The following KSR2 variants were observed in gnomAD, a reference collection of about 807,000 sequenced individuals.
KSR2 encodes kinase suppressor of ras 2.
In KSR2, 25 loss-of-function variants were observed where a neutral mutation model predicts 107.8. The ratio of observed to expected loss-of-function variants is 0.23; its 90% confidence interval spans 0.17 to 0.32. The LOEUF is 0.32. Among genes scored for constraint, KSR2 ranks in the 10% least tolerant of loss-of-function variants. The pLI is 1.00. For synonymous variants in KSR2, 480 were observed against 507.0 expected (o/e 0.95, Z 0.71); for missense variants, 887 against 1,268.9 (o/e 0.70, Z 4.57).
intron 14 of KSR2, among the ~76,000 whole-genome samples, chr12:117,490,504 G>T (rs190399729): frequency 6.6e-6 from 1 of 152,268 alleles, no homozygotes; most frequent in East Asian, 1.9e-4. Context: ...TGCAATCATT[G>T]ACAGATCATA....
intron 5 of KSR2, 99 bp downstream of exon 5, chr12:117,667,372 TAAA>T (rs1175512612): frequency 8.9e-7 from 1 of 1,122,938 alleles, no homozygotes; most frequent in Non-Finnish European, 1.3e-6. Flanking sequence ...GCCCTTGAGA[TAAA>T]GAAGAGAGAG....
intron 5 of KSR2, among the ~76,000 whole-genome samples, chr12:117,589,672 A>T (rs889294014): frequency 3.9e-5 from 6 of 152,360 alleles, no homozygotes; most frequent in Non-Finnish European, 7.3e-5. Context: ...CCAAGGCGCC[A>T]ACCAATCCTA....
intron 18 of KSR2, among the ~76,000 whole-genome samples, chr12:117,470,534 C>T (rs555563553): frequency 6.6e-6 from 1 of 152,320 alleles, no homozygotes; most frequent in East Asian, 1.9e-4. Flanking sequence ...AGTTTCTTGA[C>T]ATTTCTCTCA....
intron 1 of KSR2, among the ~76,000 whole-genome samples, chr12:117,958,673 C>T (rs7307290): frequency 0.53 from 80,576 of 151,914 alleles, 21,737 homozygotes; most frequent in African/African-American, 0.56. Context: ...ATACAAAAAT[C>T]AGCTGGGTGC....
chr12:117,843,422 C>T (rs1281178792), intron 3 of KSR2, among the ~76,000 whole-genome samples: 2 of 152,184 alleles, frequency 1.3e-5, no homozygotes, highest in Non-Finnish European at 2.9e-5. Context: ...CTTCTGCCTC[C>T]TCTCCCAGTC....
intron 17 of KSR2, among the ~76,000 whole-genome samples, 181 bp downstream of exon 17, chr12:117,476,283 G>A (rs759096510): frequency 2.0e-5 from 3 of 152,146 alleles, no homozygotes; most frequent in East Asian, 1.9e-4. Flanking sequence ...AGACACACAC[G>A]TTTGTTAGGG....
intron 9 of KSR2, among the ~76,000 whole-genome samples, chr12:117,548,801 C>T (rs1377709859): frequency 6.6e-6 from 1 of 152,110 alleles, no homozygotes; most frequent in Non-Finnish European, 1.5e-5. Flanking sequence ...GAGGGAGAAA[C>T]TAGACCCTCT....
chr12:117,578,002 G>A (rs911320453), intron 7 of KSR2, among the ~76,000 whole-genome samples: 7 of 152,294 alleles, frequency 4.6e-5, no homozygotes, highest in Middle Eastern at 3.4e-3. Context: ...CACATCTGGC[G>A]TCTCAGTTTT....
chr12:117,664,246 G>A (rs930399636), intron 5 of KSR2, among the ~76,000 whole-genome samples: 2 of 148,898 alleles, frequency 1.3e-5, no homozygotes, highest in African/African-American at 5.0e-5. Context: ...TGGGCACCCT[G>A]AGGTTGTGAG....
chr12:117,649,548 G>A (rs1883797791), intron 5 of KSR2, among the ~76,000 whole-genome samples: 1 of 152,182 alleles, frequency 6.6e-6, no homozygotes, highest in Non-Finnish European at 1.5e-5. Context: ...CCATGAGAAA[G>A]GGATATGATG....
chr12:117,621,893 C>T (rs1333556289), intron 5 of KSR2, among the ~76,000 whole-genome samples: 1 of 152,144 alleles, frequency 6.6e-6, no homozygotes, highest in Non-Finnish European at 1.5e-5. Context: ...CTGTCTCCTA[C>T]AGCTCCATGC....
chr12:117,768,433 T>G (rs933766075), intron 3 of KSR2, among the ~76,000 whole-genome samples: 1 of 152,194 alleles, frequency 6.6e-6, no homozygotes, highest in Non-Finnish European at 1.5e-5. Context: ...GTGTGGGGAC[T>G]ATATACCTGC....
intron 5 of KSR2, among the ~76,000 whole-genome samples, chr12:117,591,592 A>C (rs906940759): frequency 3.9e-5 from 6 of 152,058 alleles, no homozygotes; most frequent in Non-Finnish European, 5.9e-5. Flanking sequence ...AAGCAGATGA[A>C]GGGCTGGTAT....
intron 1 of KSR2, among the ~76,000 whole-genome samples, chr12:117,916,937 T>C (rs566032225): frequency 7.2e-5 from 11 of 152,356 alleles, no homozygotes; most frequent in African/African-American, 1.2e-4. Context: ...TCTATAAACA[T>C]AAGACATTTA....
chr12:117,748,308 G>A (rs571230909), intron 4 of KSR2, among the ~76,000 whole-genome samples: 3 of 152,138 alleles, frequency 2.0e-5, no homozygotes, highest in African/African-American at 7.2e-5. Flanking sequence ...CAGTGGAATG[G>A]GGAGATATTG....
intron 3 of KSR2, among the ~76,000 whole-genome samples, chr12:117,801,467 T>G (rs1197613148): frequency 1.3e-5 from 2 of 152,016 alleles, no homozygotes; most frequent in Non-Finnish European, 2.9e-5. Flanking sequence ...GTTTCATTGG[T>G]TCACAGTTCC....
chr12:117,546,779 T>C (rs925911824), intron 9 of KSR2, among the ~76,000 whole-genome samples: 2 of 152,324 alleles, frequency 1.3e-5, no homozygotes, highest in Admixed American at 6.5e-5. Context: ...TTTTATCTGG[T>C]TATTGTATTT....
intron 13 of KSR2, 51 bp from the exon 14 acceptor site, chr12:117,525,270 C>G: frequency 6.6e-7 from 1 of 1,516,036 alleles, no homozygotes; most frequent in Non-Finnish European, 8.9e-7. Flanking sequence ...ACTGCCCCAG[C>G]CTCCCTCATG....
At chr12:117,791,326 C>T (rs1890244338) in intron 3 of KSR2, among the ~76,000 whole-genome samples, 2 of 152,172 alleles carry the variant, frequency 1.3e-5, no homozygotes, top group South Asian at 2.1e-4. Flanking sequence ...CAGTCACTCC[C>T]GATTATATCA....
Sources: allele counts gnomAD v4.1 joint callset (sites outside exome capture counted in the v4.1 genomes callset), GRCh38; gene constraint gnomAD v4.1.1; transcripts MANE v1.5; gene names NCBI Gene and HGNC (gene_info 2026-07-23, HGNC 2026-07-21).